Variants in RAP1GDS1 observed in about 807,000 individuals in gnomAD.
The protein encoded by RAP1GDS1 is RAP1, GTP-GDP dissociation stimulator 1.
RAP1GDS1 carries 35 observed loss-of-function variants against 71.1 expected under a neutral mutation model. The ratio of observed to expected loss-of-function variants is 0.49; its 90% CI spans 0.38 to 0.65. RAP1GDS1 has a LOEUF of 0.65. Ranked by LOEUF, RAP1GDS1 falls within the 30% of genes least tolerant of loss-of-function variation. The probability of loss-of-function intolerance (pLI) is 0.00; values close to 1 mark genes in which losing one functional copy is unlikely to be tolerated. For missense variants in RAP1GDS1, 663 were observed against 706.1 expected, an observed-to-expected ratio of 0.94 and a Z score of 0.69; for synonymous variants, 229 against 243.1, an observed-to-expected ratio of 0.94 and a Z score of 0.54.
intron 3 of RAP1GDS1, among the ~76,000 whole-genome samples, chr4:98,346,558 ATTT>A (rs898244782): frequency 6.9e-6 from 1 of 144,156 alleles, no homozygotes. Context: ...ATGATTATTT[ATTT>A]TTTTTTTTTT....
intron 2 of RAP1GDS1, among the ~76,000 whole-genome samples, chr4:98,332,558 G>A (rs1734153226): frequency 2.0e-5 from 3 of 152,296 alleles, no homozygotes; most frequent in South Asian, 4.1e-4. Flanking sequence ...AATGATGCAT[G>A]ACCTGCAAAT....
rs555725128 is a variant in RAP1GDS1 at position 98,285,135 on chromosome 4, A to G, written c.5-8273A>G. 3.3e-5 allele frequency among the ~76,000 whole-genome samples: 5 copies of G among 152,348 alleles called. No individual in the cohort carries two copies. The East Asian group carries it at 9.6e-4, about 29-fold the overall frequency. On this transcript the variant is annotated intron_variant, in intron 1 of 14. Transcript: ENST00000408927. ...ATATAAAAACGTTTTTATATAAAACACTGAAAAGATACATTTCCTCAGTGA... is the reference window on the plus strand; with the variant it reads ...ATATAAAAACGTTTTTATATAAAACGCTGAAAAGATACATTTCCTCAGTGA...
intron 4 of RAP1GDS1, among the ~76,000 whole-genome samples, chr4:98,373,007 G>A (rs1740623666): frequency 6.6e-6 from 1 of 152,126 alleles, no homozygotes; most frequent in Non-Finnish European, 1.5e-5. Flanking sequence ...ACTTTAGACA[G>A]TCAATTATCT....
chr4:98,293,183 G>A (rs1047582689), intron 1 of RAP1GDS1, among the ~76,000 whole-genome samples: 2 of 152,148 alleles, frequency 1.3e-5, no homozygotes, highest in Non-Finnish European at 1.5e-5. Flanking sequence ...AATATTCCTG[G>A]TATCTTACAC....
chr4:98,346,583 C>T (rs1394964732), intron 3 of RAP1GDS1, among the ~76,000 whole-genome samples: 1 of 150,586 alleles, frequency 6.6e-6, no homozygotes, highest in Non-Finnish European at 1.5e-5. Context: ...GAGAGGGAGT[C>T]GCCCAGGCTG....
intron 4 of RAP1GDS1, 21 bp downstream of exon 4, chr4:98,352,622 A>T: frequency 1.2e-6 from 2 of 1,610,318 alleles, no homozygotes; most frequent in South Asian, 1.1e-5. Context: ...ACATCTCAAT[A>T]ATACACATAC....
chr4:98,341,668 G>T (rs1188096781), intron 2 of RAP1GDS1, among the ~76,000 whole-genome samples: 9 of 151,756 alleles, frequency 5.9e-5, no homozygotes, highest in Non-Finnish European at 1.2e-4. Context: ...GAAAAGGAAA[G>T]ATTTTAACAT....
At chr4:98,301,239 T>A (rs187947117) in intron 2 of RAP1GDS1, among the ~76,000 whole-genome samples, 1 of 152,290 alleles carries the variant, frequency 6.6e-6, no homozygotes, top group Admixed American at 6.5e-5. Context: ...TTTTAGTGAT[T>A]GTGTTCATTG....
chr4:98,402,088 T>C lies in RAP1GDS1; in HGVS notation c.638-2389T>C, dbSNP rs1745498296. On this transcript the variant is annotated intron_variant, in intron 6 of 14. Transcript: ENST00000408927. ...TTACTTTTTATTTATTTTTTTTCTT[T>C]TTGGGACAGAGTCTCACTGTGTCAC... Among the ~76,000 whole-genome samples the C allele has an allele frequency of 2.0e-5, 3 of 152,192 alleles. 1 individual carries two copies. In the South Asian group the frequency reaches 6.2e-4, roughly 32 times the overall value.
chr4:98,371,164 G>A (rs1295125358), intron 4 of RAP1GDS1, among the ~76,000 whole-genome samples: 2 of 150,450 alleles, frequency 1.3e-5, no homozygotes, highest in South Asian at 4.2e-4. Flanking sequence ...ACAGGCTGGA[G>A]TGCAGGAGCA....
At chr4:98,387,929 T>A (rs1319326042) in intron 5 of RAP1GDS1, among the ~76,000 whole-genome samples, 1 of 152,184 alleles carries the variant, frequency 6.6e-6, no homozygotes, top group African/African-American at 2.4e-5. Context: ...AAGAACTATT[T>A]CTAGTTCTCA....
At chr4:98,262,809 A>G (rs1000299315) in intron 1 of RAP1GDS1, among the ~76,000 whole-genome samples, 1 of 152,200 alleles carries the variant, frequency 6.6e-6, no homozygotes, top group African/African-American at 2.4e-5. Flanking sequence ...AATGGTGTCC[A>G]TAGAGTTTTC....
At chr4:98,437,210 C>G (rs1373586434) in intron 14 of RAP1GDS1, 142 bp downstream of exon 14, 6 of 840,310 alleles carry the variant, frequency 7.1e-6, no homozygotes, top group Non-Finnish European at 9.9e-6. Context: ...CTTTTTTCCC[C>G]TATTACTGTA....
intron 1 of RAP1GDS1, among the ~76,000 whole-genome samples, chr4:98,284,501 A>G (rs76663805): frequency 1.2e-3 from 188 of 152,318 alleles, no homozygotes; most frequent in African/African-American, 4.3e-3. Flanking sequence ...TAACCAAACC[A>G]TGTGGTGAAT....
chr4:98,399,880 T>G (rs1049688172), intron 6 of RAP1GDS1, among the ~76,000 whole-genome samples: 1 of 152,058 alleles, frequency 6.6e-6, no homozygotes, highest in Non-Finnish European at 1.5e-5. Flanking sequence ...ATAGGCCAGA[T>G]GTGGTGGCTC....
intron 4 of RAP1GDS1, among the ~76,000 whole-genome samples, chr4:98,362,030 A>G (rs1460397924): frequency 1.3e-5 from 2 of 152,192 alleles, no homozygotes; most frequent in Non-Finnish European, 2.9e-5. Context: ...AACGATATTC[A>G]TGAGCTTTTT....
intron 4 of RAP1GDS1, among the ~76,000 whole-genome samples, chr4:98,373,675 A>G (rs1740735183): frequency 6.6e-6 from 1 of 152,210 alleles, no homozygotes; most frequent in Non-Finnish European, 1.5e-5. Context: ...TTGAAACCAA[A>G]GGTAGTACCA....
rs74411548 is a variant in RAP1GDS1 at position 98,437,076 on chromosome 4, T to G, written c.1696+8T>G. 6.3e-7 allele frequency: 1 copy of G among 1,581,982 alleles called. No individual in the cohort carries two copies. Among genetic ancestry groups the G allele is most frequent in the African/African-American group, 1.4e-5 (1 of 73,618 alleles). ...GTGCTCTTATGGGATCTGGTAAGTA[T>G]TCTTCTATCATTTGATGTCCATAAA... On this transcript the variant is annotated splice_region_variant and intron_variant, in intron 14 of 14. Transcript: ENST00000408927.
intron 4 of RAP1GDS1, among the ~76,000 whole-genome samples, chr4:98,353,404 T>A (rs1737500701): frequency 6.6e-6 from 1 of 152,196 alleles, no homozygotes; most frequent in African/African-American, 2.4e-5. Context: ...AGTGTTTAAC[T>A]CGGATGAGTT....
Sources: allele counts gnomAD v4.1 joint callset (sites outside exome capture counted in the v4.1 genomes callset), GRCh38; gene constraint gnomAD v4.1.1; transcripts MANE v1.5; gene names NCBI Gene and HGNC (gene_info 2026-07-23, HGNC 2026-07-21).